LRSAM1: variants seen among roughly 807,000 people sequenced by gnomAD.
LRSAM1 encodes the protein leucine rich repeat and sterile alpha motif containing 1, also known as E3 ubiquitin-protein ligase LRSAM1.
Under a neutral mutation model 118.1 loss-of-function variants are expected in LRSAM1, and 96 were observed. That is an observed-to-expected ratio of 0.81 (90% CI 0.69 to 0.96). The LOEUF is 0.96. Ranked by LOEUF, LRSAM1 falls within the 40% of genes least tolerant of loss-of-function variation. The pLI is 0.00. For missense variants in LRSAM1, 804 were observed against 915.5 expected, an observed-to-expected ratio of 0.88 and a Z score of 1.57; for synonymous variants, 322 against 364.2, an observed-to-expected ratio of 0.88 and a Z score of 1.32.
chr9:127,472,929 G>A (rs1419062983), intron 10 of LRSAM1, among the ~76,000 whole-genome samples: 4 of 152,178 alleles, frequency 2.6e-5, no homozygotes, highest in African/African-American at 7.2e-5. Context: ...CCTAGGGTGT[G>A]TGAGAGGGCA....
chr9:127,490,981 A>G (rs1308231542), intron 19 of LRSAM1, among the ~76,000 whole-genome samples: 1 of 141,860 alleles, frequency 7.0e-6, no homozygotes, highest in African/African-American at 2.6e-5. Context: ...TTGGTAAACA[A>G]TTTTGGCCAC....
chr9:127,481,649 TTTAATTA>T (rs1237771347), intron 15 of LRSAM1, among the ~76,000 whole-genome samples: 10 of 152,218 alleles, frequency 6.6e-5, no homozygotes, highest in Non-Finnish European at 1.5e-4. Context: ...TTAGACGATA[TTTAATTA>T]CAAAGAATCA....
Position 127,503,475 on chromosome 9 carries a change from T to C in LRSAM1, c.*576T>C, listed in dbSNP as rs1034986399. 1 of 157,020 alleles carries C rather than the reference T, an allele frequency of 6.4e-6. No individual in the cohort carries two copies. The highest frequency in any genetic ancestry group is 1.4e-5 in the Non-Finnish European group (1 of 71,222). The allele number at this position is 157,020 out of a possible 1,614,324, so 9.7% of individuals were successfully genotyped here. ...CATGTAGCTCGATCCGAAGCAGGAG[T>C]GTCAATAAACCTGTCTTCAGTGCGC... On this transcript the variant is annotated 3_prime_UTR_variant, in exon 26 of 26. Coordinates refer to ENST00000300417, the MANE Select transcript of LRSAM1 (RefSeq NM_001005373.4).
chr9:127,491,177 T>C, intron 19 of LRSAM1, 38 bp from the exon 20 acceptor site: 1 of 1,549,482 alleles, frequency 6.5e-7, no homozygotes, highest in Non-Finnish European at 8.9e-7. Context: ...CTGTGGTTAA[T>C]GTGAGTAAAA....
chr9:127,485,191 A>T (rs1362050817), intron 16 of LRSAM1, among the ~76,000 whole-genome samples: 1 of 152,210 alleles, frequency 6.6e-6, no homozygotes, highest in African/African-American at 2.4e-5. Context: ...CTGGATGACA[A>T]GATCACAGGA....
At position 127,473,791 on chromosome 9, in the gene LRSAM1, T is replaced by C; in HGVS notation, c.620-10T>C. The C allele has an allele frequency of 6.2e-7, 1 of 1,614,082 alleles. No homozygotes were observed. The highest frequency in any genetic ancestry group is 1.1e-5 in the South Asian group (1 of 91,080). On this transcript the variant is annotated splice_polypyrimidine_tract_variant and intron_variant, in intron 10 of 25. Transcript: ENST00000300417. Reference sequence around the variant, plus strand: ...TCCCTCCTGGTCAGCTTGTGTCCCGTCTCTTACAGAGTCAGGGCTGGAATA... The same window carrying C: ...TCCCTCCTGGTCAGCTTGTGTCCCGCCTCTTACAGAGTCAGGGCTGGAATA...
At chr9:127,473,351 A>G (rs1835242121) in intron 10 of LRSAM1, among the ~76,000 whole-genome samples, 2 of 152,226 alleles carry the variant, frequency 1.3e-5, no homozygotes, top group South Asian at 2.1e-4. Context: ...GCACCTACAA[A>G]TCAACAGGAA....
intron 24 of LRSAM1, among the ~76,000 whole-genome samples, 175 bp from the exon 25 acceptor site, chr9:127,500,833 CAG>C (rs1268636282): frequency 6.6e-6 from 1 of 152,130 alleles, no homozygotes; most frequent in Non-Finnish European, 1.5e-5. Context: ...AAATGAGGCT[CAG>C]AGAAGAGAAG....
intron 20 of LRSAM1, among the ~76,000 whole-genome samples, chr9:127,491,806 G>A (rs1835944029): frequency 6.6e-6 from 1 of 152,224 alleles, no homozygotes; most frequent in Admixed American, 6.5e-5. Flanking sequence ...ACTGGCAGCT[G>A]GCGTCCTGGA....
chr9:127,491,809 G>A (rs191050678), intron 20 of LRSAM1, among the ~76,000 whole-genome samples: 3 of 152,352 alleles, frequency 2.0e-5, no homozygotes, highest in East Asian at 1.9e-4. Flanking sequence ...GGCAGCTGGC[G>A]TCCTGGACTG....
At chr9:127,497,839 C>G (rs1172115876) in intron 24 of LRSAM1, among the ~76,000 whole-genome samples, 1 of 152,196 alleles carries the variant, frequency 6.6e-6, no homozygotes, top group African/African-American at 2.4e-5. Flanking sequence ...GATCTGGGAG[C>G]CCGGCACCTG....
intron 11 of LRSAM1, among the ~76,000 whole-genome samples, chr9:127,474,739 A>G (rs1431346342): frequency 6.6e-6 from 1 of 152,248 alleles, no homozygotes; most frequent in African/African-American, 2.4e-5. Flanking sequence ...TGAAGGAGTC[A>G]GACAGGCACA....
chr9:127,455,435 C>T, intron 4 of LRSAM1, 141 bp from the exon 5 acceptor site: 1 of 858,652 alleles, frequency 1.2e-6, no homozygotes, highest in Admixed American at 1.9e-5. Flanking sequence ...AGCCTTGCCC[C>T]TGGGCTCAGC....
At chr9:127,493,820 C>T (rs1293091646) in intron 21 of LRSAM1, among the ~76,000 whole-genome samples, 3 of 152,300 alleles carry the variant, frequency 2.0e-5, no homozygotes, top group Non-Finnish European at 4.4e-5. Flanking sequence ...GGACAGAGGC[C>T]AGGCTCACCA....
At position 127,455,715 on chromosome 9, in the gene LRSAM1, C is replaced by T. The variant is rs895319503; in HGVS notation, c.174+95C>T. 37 of 1,141,220 alleles carry T rather than the reference C, an allele frequency of 3.2e-5. No individual in the cohort carries two copies. The African/African-American group carries it at 4.3e-4, about 13-fold the overall frequency. The allele number at this position is 1,141,220 out of a possible 1,614,324, so 70.7% of individuals were successfully genotyped here. A position where few individuals can be genotyped will look rare whatever the true frequency, so the allele number is the denominator to read the frequency against. On this transcript the variant is annotated intron_variant, in intron 5 of 25. Transcript: ENST00000300417. ...TGAGGAGCTGTCTTCCCGGCGTAGA[C>T]ACCTCCTTTCTCTCTGCTTCTTATG...
intron 5 of LRSAM1, 25 bp downstream of exon 5, chr9:127,455,645 G>C (rs778245782): frequency 3.7e-6 from 6 of 1,612,758 alleles, no homozygotes; most frequent in Non-Finnish European, 5.1e-6. Flanking sequence ...CATCTTCAGA[G>C]ACTTTCTTGT....
intron 2 of LRSAM1, chr9:127,454,161 C>T (rs1343707210): frequency 3.0e-5 from 11 of 366,620 alleles, no homozygotes; most frequent in South Asian, 8.9e-5. Flanking sequence ...ACTAGAAAGA[C>T]GCAGCCCCTG....
At chr9:127,495,044 C>T (rs925964095) in intron 21 of LRSAM1, among the ~76,000 whole-genome samples, 6 of 152,172 alleles carry the variant, frequency 3.9e-5, no homozygotes, top group Non-Finnish European at 7.3e-5. Flanking sequence ...CTCTGCCTCC[C>T]GGGCTCAAGA....
intron 13 of LRSAM1, 141 bp from the exon 14 acceptor site, chr9:127,479,698 C>T (rs1835462032): frequency 3.0e-6 from 4 of 1,342,724 alleles, no homozygotes; most frequent in African/African-American, 1.4e-5. Flanking sequence ...ACACTGTAGC[C>T]TACTGGGAGG....
Sources: gnomAD v4.1 joint callset for allele counts (sites outside exome capture counted in the v4.1 genomes callset) on GRCh38, gnomAD v4.1.1 for gene constraint, MANE v1.5 for transcripts, NCBI Gene and HGNC (gene_info 2026-07-23, HGNC 2026-07-21) for gene names.